SMG6: variants seen among roughly 807,000 people sequenced by gnomAD.
The protein encoded by SMG6 is telomerase-binding protein EST1A.
SMG6 carries 66 observed loss-of-function variants against 142.2 expected under a neutral mutation model. The observed-to-expected ratio is 0.46, with a 90% CI of 0.38 to 0.57. The LOEUF (loss-of-function observed/expected upper bound fraction) is 0.57, where lower values mean the gene tolerates loss of function less well. SMG6 is among the 20% of genes least tolerant of loss of function. The pLI is 0.00. For missense variants in SMG6, 1,793 were observed against 1,832.0 expected, an observed-to-expected ratio of 0.98 and a Z score of 0.39; for synonymous variants, 779 against 702.4, an observed-to-expected ratio of 1.11 and a Z score of -1.72.
intron 8 of SMG6, among the ~76,000 whole-genome samples, chr17:2,272,910 A>C (rs549880809): frequency 6.1e-4 from 92 of 151,684 alleles, no homozygotes; most frequent in Non-Finnish European, 1.2e-3. Context: ...AGCATGGGGG[A>C]CAGAGAGAAA....
chr17:2,076,469 T>TAGC (rs1200368859), intron 15 of SMG6, among the ~76,000 whole-genome samples: 10 of 152,136 alleles, frequency 6.6e-5, no homozygotes, highest in African/African-American at 2.4e-4. Flanking sequence ...GAGAAAAGGT[T>TAGC]AGCATGGGTT....
At chr17:2,207,917 G>A (rs556313999) in intron 10 of SMG6, among the ~76,000 whole-genome samples, 2 of 152,220 alleles carry the variant, frequency 1.3e-5, no homozygotes, top group Admixed American at 6.5e-5. Context: ...CTTCTGCCTG[G>A]CTCAAAAGAC....
rs368462205 is a variant in SMG6 at position 2,148,049 on chromosome 17, G to C, written c.3357+24609C>G. On this transcript the variant is annotated intron_variant, in intron 13 of 18. Coordinates refer to ENST00000263073, the MANE Select transcript of SMG6 (RefSeq NM_017575.5). The stretch of plus-strand genomic sequence containing the variant: ...TACCAAAAACACAAAAACTTAGCTG[G>C]GTGTGGTGGTGCGCACCTGTGGTCC... Among the ~76,000 whole-genome samples, 397 of 152,204 alleles carry C rather than the reference G, an allele frequency of 2.6e-3. 6 individuals are homozygous for C. Among genetic ancestry groups the C allele is most frequent in the African/African-American group, 8.8e-3 (364 of 41,516 alleles).
chr17:2,270,579 G>C (rs1290384792), intron 8 of SMG6, among the ~76,000 whole-genome samples: 1 of 152,140 alleles, frequency 6.6e-6, no homozygotes, highest in South Asian at 2.1e-4. Flanking sequence ...CTGCACTCCA[G>C]CCTGCACAAC....
At chr17:2,217,808 A>G (rs1175155007) in intron 10 of SMG6, among the ~76,000 whole-genome samples, 1 of 152,016 alleles carries the variant, frequency 6.6e-6, no homozygotes, top group African/African-American at 2.4e-5. Context: ...CAGGAGATCG[A>G]GACGATCCTG....
Position 2,218,503 on chromosome 17 carries a change from A to G in SMG6, c.2869+17989T>C, listed in dbSNP as rs185151951. Among the ~76,000 whole-genome samples, 675 of 152,228 alleles carry G rather than the reference A, an allele frequency of 4.4e-3. 4 individuals carry two copies. Among genetic ancestry groups the G allele is most frequent in the African/African-American group, 0.015 (642 of 41,540 alleles). ...AGAGCTTGCAGTGAGCCTAGATCGCACCACTGCACTCCAGCCTGAGCGACA... is the reference window on the plus strand; with the variant it reads ...AGAGCTTGCAGTGAGCCTAGATCGCGCCACTGCACTCCAGCCTGAGCGACA... On this transcript the variant is annotated intron_variant, in intron 10 of 18. Coordinates refer to ENST00000263073, the MANE Select transcript of SMG6 (RefSeq NM_017575.5).
chr17:2,242,545 A>G (rs1663503392), intron 9 of SMG6, among the ~76,000 whole-genome samples: 1 of 150,628 alleles, frequency 6.6e-6, no homozygotes, highest in African/African-American at 2.5e-5. Context: ...AAAAAGATAA[A>G]TAAGCCATCT....
chr17:2,243,079 G>A (rs2073849635), intron 9 of SMG6, among the ~76,000 whole-genome samples: 1 of 152,138 alleles, frequency 6.6e-6, no homozygotes, highest in Admixed American at 6.5e-5. Flanking sequence ...GGCAGGAGAT[G>A]GGACCAGTGA....
chr17:2,120,569 TA>T (rs1355607885), intron 13 of SMG6, among the ~76,000 whole-genome samples: 1 of 152,016 alleles, frequency 6.6e-6, no homozygotes, highest in East Asian at 1.9e-4. Context: ...AAAATTGTAA[TA>T]AAATGAGCCC....
intron 13 of SMG6, among the ~76,000 whole-genome samples, chr17:2,130,339 A>C (rs1243611975): frequency 6.6e-6 from 1 of 151,646 alleles, no homozygotes; most frequent in South Asian, 2.1e-4. Context: ...ATGATACTTA[A>C]ATTAGTAACA....
At chr17:2,297,010 G>GAAAAAAAA (rs374673133) in intron 4 of SMG6, among the ~76,000 whole-genome samples, 13 of 60,618 alleles carry the variant, frequency 2.1e-4, no homozygotes, top group South Asian at 5.8e-4. Context: ...CTCAAAAAAT[G>GAAAAAAAA]AAAAAAAAAA....
chr17:2,151,543 C>CT (rs2070825679), intron 13 of SMG6, among the ~76,000 whole-genome samples: 1 of 152,224 alleles, frequency 6.6e-6, no homozygotes, highest in South Asian at 2.1e-4. Context: ...ATCTCCAGCA[C>CT]TAAGGCAGGC....
At chr17:2,290,658 T>G (rs1482197838) in intron 6 of SMG6, among the ~76,000 whole-genome samples, 1 of 152,108 alleles carries the variant, frequency 6.6e-6, no homozygotes, top group East Asian at 1.9e-4. Context: ...TGCTGAAGAA[T>G]GTGAAGACAA....
intron 12 of SMG6, among the ~76,000 whole-genome samples, chr17:2,182,140 G>A (rs1387649487): frequency 6.6e-6 from 1 of 152,194 alleles, no homozygotes; most frequent in Non-Finnish European, 1.5e-5. Flanking sequence ...AGAAGCAGTG[G>A]CTTAGATACT....
At chr17:2,266,209 G>A (rs1470817915) in intron 8 of SMG6, 8 of 984,634 alleles carry the variant, frequency 8.1e-6, no homozygotes, top group East Asian at 1.1e-4. Flanking sequence ...CTGACTTTCC[G>A]GATGGTAACT....
intron 13 of SMG6, among the ~76,000 whole-genome samples, chr17:2,121,301 T>G (rs539430644): frequency 1.1e-4 from 17 of 152,266 alleles, no homozygotes; most frequent in African/African-American, 3.6e-4. Context: ...GGAATACTAC[T>G]CAGCAATAAA....
At chr17:2,141,989 G>A (rs1484833725) in intron 13 of SMG6, among the ~76,000 whole-genome samples, 1 of 152,128 alleles carries the variant, frequency 6.6e-6, no homozygotes, top group Non-Finnish European at 1.5e-5. Flanking sequence ...GTGTACTTCA[G>A]GTAGAAGAAA....
At chr17:2,120,625 A>G (rs1360893315) in intron 13 of SMG6, among the ~76,000 whole-genome samples, 1 of 152,226 alleles carries the variant, frequency 6.6e-6, no homozygotes, top group East Asian at 1.9e-4. Context: ...TGAGAGGCTG[A>G]GGCAGGAGGA....
At chr17:2,131,681 G>C (rs1318496221) in intron 13 of SMG6, among the ~76,000 whole-genome samples, 1 of 152,186 alleles carries the variant, frequency 6.6e-6, no homozygotes, top group Non-Finnish European at 1.5e-5. Flanking sequence ...AGAAAATGCT[G>C]TAAATTAATT....
Sources: allele counts gnomAD v4.1 joint callset (sites outside exome capture counted in the v4.1 genomes callset), GRCh38; gene constraint gnomAD v4.1.1; transcripts MANE v1.5; gene names NCBI Gene and HGNC (gene_info 2026-07-23, HGNC 2026-07-21).